The following MEGF10 variants were observed in gnomAD, a reference collection of about 807,000 sequenced individuals.
The protein encoded by MEGF10 is multiple epidermal growth factor-like domains protein 10.
MEGF10 carries 86 observed loss-of-function variants against 147.5 expected under a neutral mutation model. The ratio of observed to expected loss-of-function variants is 0.58; its 90% CI spans 0.49 to 0.70. The LOEUF (loss-of-function observed/expected upper bound fraction) is 0.70, where lower values mean the gene tolerates loss of function less well. Ranked by LOEUF, MEGF10 falls within the 30% of genes least tolerant of loss-of-function variation. The pLI, the probability that MEGF10 is intolerant of heterozygous loss-of-function variation, is 0.00. For missense variants in MEGF10, 1,329 were observed against 1,487.3 expected (o/e 0.89, Z 1.75); for synonymous variants, 478 against 525.5 (o/e 0.91, Z 1.24).
At chr5:127,321,704 C>T (rs1271916015) in intron 1 of MEGF10, among the ~76,000 whole-genome samples, 3 of 151,992 alleles carry the variant, frequency 2.0e-5, no homozygotes, top group African/African-American at 7.2e-5. Flanking sequence ...TGTAGGTGCC[C>T]GTTGTCATGC....
At chr5:127,402,747 C>T (rs924719997) in intron 8 of MEGF10, 65 bp downstream of exon 8, 55 of 1,557,594 alleles carry the variant, frequency 3.5e-5, no homozygotes, top group Admixed American at 2.3e-4. Flanking sequence ...TTGTAGGGTC[C>T]GGGGAGCATC....
chr5:127,425,982 C>T (rs1048450794), intron 13 of MEGF10, among the ~76,000 whole-genome samples: 2 of 152,182 alleles, frequency 1.3e-5, no homozygotes, highest in Admixed American at 6.5e-5. Context: ...GAAGCCAGGG[C>T]TCTTCCCCTG....
intron 9 of MEGF10, among the ~76,000 whole-genome samples, chr5:127,417,285 T>C (rs1764812060): frequency 6.6e-6 from 1 of 152,170 alleles, no homozygotes; most frequent in Non-Finnish European, 1.5e-5. Flanking sequence ...AGTTAACTGG[T>C]TTGGTATTGT....
chr5:127,358,231 A>G (rs1256482361), intron 4 of MEGF10, among the ~76,000 whole-genome samples: 1 of 152,170 alleles, frequency 6.6e-6, no homozygotes, highest in African/African-American at 2.4e-5. Flanking sequence ...AAGAGAGTGG[A>G]AAGAACATGA....
intron 2 of MEGF10, 118 bp downstream of exon 2, chr5:127,331,542 G>A (rs529278206): frequency 1.6e-6 from 1 of 641,390 alleles, no homozygotes; most frequent in African/African-American, 1.9e-5. Context: ...TTACTTTTAT[G>A]TAAAAATCAT....
chr5:127,398,853 C>T, intron 7 of MEGF10, 57 bp downstream of exon 7: 1 of 1,609,694 alleles, frequency 6.2e-7, no homozygotes, highest in East Asian at 2.2e-5. Context: ...TTCCAGGATA[C>T]TCAGTGCATA....
Position 127,458,264 on chromosome 5 carries a change from T to C in MEGF10, c.*946T>C, listed in dbSNP as rs1766439506. ...CGTTCTGTAAACCATTAGTAATACA[T>C]GCTGTAATATAGAATTAGTGGAACA... On this transcript the variant is annotated 3_prime_UTR_variant, in exon 25 of 25. Coordinates refer to ENST00000503335, the MANE Select transcript of MEGF10 (RefSeq NM_001256545.2). 1 of 152,244 alleles carries C rather than the reference T, an allele frequency of 6.6e-6. No individual in the cohort carries two copies. Among genetic ancestry groups the C allele is most frequent in the Admixed American group, 6.5e-5 (1 of 15,276 alleles). 9.4% of individuals were successfully genotyped at this position (152,244 alleles called of 1,614,324 possible).
intron 22 of MEGF10, among the ~76,000 whole-genome samples, chr5:127,453,765 T>A (rs1162013087): frequency 6.6e-6 from 1 of 152,262 alleles, no homozygotes; most frequent in Non-Finnish European, 1.5e-5. Context: ...CCAGATAGTA[T>A]AAAATGGGCT....
intron 12 of MEGF10, 69 bp from the exon 13 acceptor site, chr5:127,422,601 G>T (rs1210971378): frequency 5.0e-6 from 6 of 1,193,206 alleles, no homozygotes; most frequent in Non-Finnish European, 6.3e-6. Flanking sequence ...GCTGACAGTG[G>T]CCTTTTCCTC....
intron 1 of MEGF10, among the ~76,000 whole-genome samples, chr5:127,329,416 G>C (rs1480976632): frequency 1.3e-5 from 2 of 151,964 alleles, no homozygotes; most frequent in Non-Finnish European, 2.9e-5. Flanking sequence ...TAGGTAACTT[G>C]TCATAGTATA....
chr5:127,421,954 C>T (rs1273606845), intron 12 of MEGF10, among the ~76,000 whole-genome samples: 11 of 134,008 alleles, frequency 8.2e-5, no homozygotes, highest in East Asian at 4.4e-4. Context: ...GCGCCACTGC[C>T]GTCCGGCCTG....
chr5:127,238,062 T>TA, the MEGF10 span, among the ~76,000 whole-genome samples: 1 of 123,828 alleles, frequency 8.1e-6, no homozygotes, highest in Non-Finnish European at 1.7e-5. Flanking sequence ...TATATATATA[T>TA]ATGTATATAC....
intron 13 of MEGF10, among the ~76,000 whole-genome samples, chr5:127,431,647 T>C (rs1765389845): frequency 6.6e-6 from 1 of 152,214 alleles, no homozygotes; most frequent in South Asian, 2.1e-4. Flanking sequence ...TAAGTCTCTG[T>C]GATAAGCAGG....
chr5:127,381,427 T>C (rs1022547335), intron 5 of MEGF10, among the ~76,000 whole-genome samples: 1 of 152,214 alleles, frequency 6.6e-6, no homozygotes, highest in African/African-American at 2.4e-5. Flanking sequence ...ATGAAACATA[T>C]ACAAACCATT....
chr5:127,244,385 A>C, the MEGF10 span, among the ~76,000 whole-genome samples: 1 of 150,948 alleles, frequency 6.6e-6, no homozygotes, highest in Non-Finnish European at 1.5e-5. Flanking sequence ...AAAAAAAAAG[A>C]AAAGAAATGG....
intron 1 of MEGF10, among the ~76,000 whole-genome samples, chr5:127,298,938 C>A (rs1238471782): frequency 6.6e-6 from 1 of 152,158 alleles, no homozygotes; most frequent in Admixed American, 6.6e-5. Context: ...AGGCCTTCCA[C>A]AGTTAAACTA....
chr5:127,232,014 A>C, the MEGF10 span, among the ~76,000 whole-genome samples: 1 of 152,244 alleles, frequency 6.6e-6, no homozygotes, highest in East Asian at 1.9e-4. Context: ...GCAAATTCCA[A>C]AGCAGGAGTG....
chr5:127,369,887 T>C (rs1403016900), intron 4 of MEGF10, 23 bp from the exon 5 acceptor site: 2 of 1,585,240 alleles, frequency 1.3e-6, no homozygotes, highest in Non-Finnish European at 1.7e-6. Context: ...CTTTCTTTAT[T>C]TGATTGATTT....
At chr5:127,237,506 A>G in the MEGF10 span, among the ~76,000 whole-genome samples, 1 of 152,156 alleles carries the variant, frequency 6.6e-6, no homozygotes, top group Non-Finnish European at 1.5e-5. Flanking sequence ...AAAATAAAAA[A>G]AAGTTATTTA....
Sources: allele counts gnomAD v4.1 joint callset (sites outside exome capture counted in the v4.1 genomes callset), GRCh38; gene constraint gnomAD v4.1.1; transcripts MANE v1.5; gene names NCBI Gene and HGNC (gene_info 2026-07-23, HGNC 2026-07-21).